Variants in ARHGAP11A observed in about 807,000 individuals in gnomAD.
The protein encoded by ARHGAP11A is rho GTPase-activating protein 11A.
Under a neutral mutation model 60.5 loss-of-function variants are expected in ARHGAP11A, and 36 were observed. The observed-to-expected ratio is 0.59, with a 90% CI of 0.46 to 0.79. The LOEUF is 0.79. Among genes scored for constraint, ARHGAP11A ranks in the 30% least tolerant of loss-of-function variants. The pLI is 0.00. For missense variants in ARHGAP11A, 1,071 were observed against 1,199.2 expected, an observed-to-expected ratio of 0.89 and a Z score of 1.58; for synonymous variants, 362 against 415.5, an observed-to-expected ratio of 0.87 and a Z score of 1.57.
Position 32,637,859 on chromosome 15 carries a change from T to C in ARHGAP11A, c.*14T>C. 15 of 1,551,110 alleles carry C rather than the reference T, an allele frequency of 9.7e-6. No individual in the cohort carries two copies. Among genetic ancestry groups the C allele is most frequent in the Non-Finnish European group, 1.3e-5 (15 of 1,149,444 alleles). ...GTAGATTTGTAATTGGTAAATGTTA[T>C]ACTTGTCATTAATGTAAATAAAGTG... is the stretch of plus-strand genomic sequence containing the variant. On this transcript the variant is annotated 3_prime_UTR_variant, in exon 12 of 12. Transcript: ENST00000361627.
chr15:32,634,118 C>G, intron 10 of ARHGAP11A, 77 bp downstream of exon 10: 1 of 921,590 alleles, frequency 1.1e-6, no homozygotes, highest in Non-Finnish European at 1.6e-6. Context: ...ACTCATAGCC[C>G]TACCTTCCTT....
chr15:32,635,286 T>C (rs2053678953), intron 10 of ARHGAP11A, among the ~76,000 whole-genome samples: 1 of 152,208 alleles, frequency 6.6e-6, no homozygotes, highest in Admixed American at 6.5e-5. Context: ...CTCATCACCC[T>C]ATTTTAAACT....
In ARHGAP11A at chr15:32,628,810, T is replaced by C; in HGVS notation, c.937+8T>C. On this transcript the variant is annotated splice_region_variant and intron_variant, in intron 7 of 11. Transcript: ENST00000361627. ...CTCAAGAAGAAAGAATTGGTAGGTA[T>C]TTATTATATGCATTTATTTAAATTA... 1.3e-6 allele frequency: 2 copies of C among 1,524,988 alleles called. No homozygotes were observed. The highest frequency in any genetic ancestry group is 1.8e-6 in the Non-Finnish European group (2 of 1,138,120). 94.5% of individuals were successfully genotyped at this position (1,524,988 alleles called of 1,614,324 possible).
In ARHGAP11A at chr15:32,637,023, G is replaced by T; in HGVS notation, c.2250G>T (p.Lys750Asn). ...NENMMEGNLP[K>N]CAAHSKDEAR... ...ATATGATGGAAGGTAACTTACCGAAGTGTGCAGCACATAGCAAGGACGAGG... is the reference window on the plus strand; with the variant it reads ...ATATGATGGAAGGTAACTTACCGAATTGTGCAGCACATAGCAAGGACGAGG... The change falls in exon 12 of 12, where the codon AAG (lysine) becomes AAT (asparagine). Residue 750 changes from lysine to asparagine, a missense_variant. Around this residue, in one of 4 missense-constraint regions of ARHGAP11A, gnomAD observed 776 missense variants for 760.2 expected, o/e 1.02. Transcript: ENST00000361627. 1 of 1,612,830 alleles carries T rather than the reference G, an allele frequency of 6.2e-7. No individual in the cohort carries two copies. The highest frequency in any genetic ancestry group is 8.5e-7 in the Non-Finnish European group (1 of 1,179,782).
Position 32,629,577 on chromosome 15 carries a change from G to GTT in ARHGAP11A, c.938-15_938-14dup, listed in dbSNP as rs771881611. 147 of 1,585,742 alleles carry GTT rather than the reference G, an allele frequency of 9.3e-5. No individual in the cohort carries two copies. The Admixed American group carries it at 1.6e-3, about 18-fold the overall frequency. ...TCTGCAGTAGAAACAAGTTGGTTTT[G>GTT]TTTTGATATTTTTTCAGCCCAGCTA... On this transcript the variant is annotated splice_polypyrimidine_tract_variant and intron_variant, in intron 7 of 11. Coordinates refer to ENST00000361627, the MANE Select transcript of ARHGAP11A (RefSeq NM_014783.6).
At chr15:32,616,762 G>A (rs2053162251) in intron 1 of ARHGAP11A, among the ~76,000 whole-genome samples, 1 of 152,186 alleles carries the variant, frequency 6.6e-6, no homozygotes, top group Non-Finnish European at 1.5e-5. Context: ...CGTTGGGAGG[G>A]ACAAAAACTC....
Position 32,636,874 on chromosome 15 carries a change from A to G in ARHGAP11A, c.2101A>G (p.Lys701Glu), listed in dbSNP as rs377731590. The G allele has an allele frequency of 2.5e-6, 4 of 1,612,872 alleles. No individual in the cohort carries two copies. The highest frequency in any genetic ancestry group is 2.7e-5 in the African/African-American group (2 of 74,846). Residue 701 changes from lysine to glutamate, a missense_variant, in exon 12 of 12, where the codon AAA becomes GAA. This residue lies in a region of ARHGAP11A where 776 missense variants were observed against 760.2 expected (regional missense o/e 1.02). Coordinates refer to ENST00000361627, the MANE Select transcript of ARHGAP11A (RefSeq NM_014783.6). The part of the protein sequence containing the change: ...YSTQMKMEHE[K>E]DIHSNMPKDY... ...AACTCAGATGAAGATGGAACATGAA[A>G]AAGACATTCATTCAAATATGCCAAA...
At chr15:32,618,875 C>T (rs1332239131) in intron 1 of ARHGAP11A, among the ~76,000 whole-genome samples, 2 of 151,334 alleles carry the variant, frequency 1.3e-5, no homozygotes, top group Non-Finnish European at 2.9e-5. Flanking sequence ...TGGGTGAACC[C>T]GGGAGGCGGA....
Position 32,635,723 on chromosome 15 carries a change from A to AT in ARHGAP11A, c.1345-50dup. ...CTACAAAAAATTATTCTGTCTTTAT[A>AT]TTTTGAATTAACTAGGCTTATTTCT... On this transcript the variant is annotated intron_variant, in intron 10 of 11. Transcript: ENST00000361627. 2.4e-6 allele frequency: 3 copies of AT among 1,255,136 alleles called. No individual in the cohort carries two copies. In the South Asian group the frequency reaches 5.9e-5, roughly 25 times the overall value. The allele number at this position is 1,255,136 out of a possible 1,614,324, so 77.7% of individuals were successfully genotyped here. A position where few individuals can be genotyped will look rare whatever the true frequency, so the allele number is the denominator to read the frequency against.
Position 32,616,051 on chromosome 15 carries a change from C to G in ARHGAP11A, c.-161C>G. 1 of 981,690 alleles carries G rather than the reference C, an allele frequency of 1.0e-6. No individual in the cohort carries two copies. The highest frequency in any genetic ancestry group is 1.5e-6 in the Non-Finnish European group (1 of 674,892). The allele number at this position is 981,690 out of a possible 1,614,324, so 60.8% of individuals were successfully genotyped here. A position where few individuals can be genotyped will look rare whatever the true frequency, so the allele number is the denominator to read the frequency against. Reference sequence around the variant, plus strand: ...GATGTGAGTGAGGATCAAGGAAAAGCCGTGGAAGTGGCCGGGGGTCGGGGC... The same window carrying G: ...GATGTGAGTGAGGATCAAGGAAAAGGCGTGGAAGTGGCCGGGGGTCGGGGC... On this transcript the variant is annotated 5_prime_UTR_variant, in exon 1 of 12. Coordinates refer to ENST00000361627, the MANE Select transcript of ARHGAP11A (RefSeq NM_014783.6).
Position 32,639,330 on chromosome 15 carries a change from A to G in ARHGAP11A, c.*1485A>G, listed in dbSNP as rs534417404. 4 of 152,308 alleles carry G rather than the reference A, an allele frequency of 2.6e-5. No homozygotes were observed. In the South Asian group the frequency reaches 6.2e-4, roughly 24 times the overall value. The allele number at this position is 152,308 out of a possible 1,614,324, so 9.4% of individuals were successfully genotyped here. On this transcript the variant is annotated 3_prime_UTR_variant, in exon 12 of 12. Coordinates refer to ENST00000361627, the MANE Select transcript of ARHGAP11A (RefSeq NM_014783.6). The stretch of plus-strand genomic sequence containing the variant: ...CACTCGGAGCAACCAGACTTACAGC[A>G]TAAGTATGTACGAGGAATTTCAAAT...
Position 32,637,300 on chromosome 15 carries a change from A to C in ARHGAP11A, c.2527A>C (p.Arg843=). The change falls in exon 12 of 12, where the codon AGA becomes CGA. Residue 843 remains arginine, a synonymous_variant. Coordinates refer to ENST00000361627, the MANE Select transcript of ARHGAP11A (RefSeq NM_014783.6). ...GCGTACTCCTGTTCGTCAGTCCGTC[A>C]GAAGAATTAATTCTTTGTTGGAGTA... ...FQRTPVRQSV[R]RINSLLEYSR... is the part of the protein sequence containing the mutation. 6.2e-7 allele frequency: 1 copy of C among 1,614,248 alleles called. No homozygotes were observed. Among genetic ancestry groups the C allele is most frequent in the South Asian group, 1.1e-5 (1 of 91,080 alleles).
At position 32,633,970 on chromosome 15, in the gene ARHGAP11A, A is replaced by G; in HGVS notation, c.1273A>G (p.Ile425Val). The change falls in exon 10 of 12, where the codon ATC becomes GTC. Residue 425 changes from isoleucine to valine, a missense_variant. Around this residue, in one of 4 missense-constraint regions of ARHGAP11A, gnomAD observed 776 missense variants for 760.2 expected, o/e 1.02. Coordinates refer to ENST00000361627, the MANE Select transcript of ARHGAP11A (RefSeq NM_014783.6). ...AAAAGCAGGCTGCTTTTCTCCTAAA[A>G]TCAGCCATAAAGAAAAGGTTCGAAG... ...SGKAGCFSPK[I>V]SHKEKVRRSL... 1 of 1,606,198 alleles carries G rather than the reference A, an allele frequency of 6.2e-7. No individual in the cohort carries two copies. Among genetic ancestry groups the G allele is most frequent in the East Asian group, 2.2e-5 (1 of 44,656 alleles).
upstream of ARHGAP11A, chr15:32,615,178 C>A (rs942542062): frequency 5.3e-5 from 8 of 152,132 alleles, no homozygotes; most frequent in Non-Finnish European, 8.8e-5. Flanking sequence ...CCTTCAGCGA[C>A]AGCCAAGCTC....
intron 2 of ARHGAP11A, among the ~76,000 whole-genome samples, chr15:32,622,927 T>A (rs1234072035): frequency 6.6e-6 from 1 of 151,844 alleles, no homozygotes; most frequent in African/African-American, 2.4e-5. Context: ...AGGTTTCACA[T>A]AAGAGGAGTG....
At position 32,635,851 on chromosome 15, in the gene ARHGAP11A, A is replaced by G. The variant is rs910324213; in HGVS notation, c.1419A>G (p.Arg473=). Reference sequence around the variant, plus strand: ...CAAATCAACAAAGTTTAAAAAATCGAATTGAATCTGTAAAAACAGGTTTGC... The same window carrying G: ...CAAATCAACAAAGTTTAAAAAATCGGATTGAATCTGTAAAAACAGGTTTGC... ...RLANQQSLKN[R]IESVKTGLLF... The change falls in exon 11 of 12, where the codon CGA becomes CGG. Residue 473 remains arginine (R), a synonymous_variant. Transcript: ENST00000361627. The G allele has an allele frequency of 3.7e-6, 6 of 1,611,372 alleles. No individual in the cohort carries two copies. The highest frequency in any genetic ancestry group is 5.1e-6 in the Non-Finnish European group (6 of 1,179,300).
chr15:32,622,699 T>C (rs1201103612), intron 2 of ARHGAP11A, among the ~76,000 whole-genome samples: 1 of 151,748 alleles, frequency 6.6e-6, no homozygotes, highest in Non-Finnish European at 1.5e-5. Flanking sequence ...TATTTGAACA[T>C]TGTTCAAAAT....
At chr15:32,629,528 G>A (rs2053541240) in intron 7 of ARHGAP11A, 67 bp from the exon 8 acceptor site, 2 of 1,340,634 alleles carry the variant, frequency 1.5e-6, no homozygotes, top group East Asian at 2.4e-5. Flanking sequence ...AAGAAATTAT[G>A]TAAAGCTTTT....
chr15:32,616,798 A>G (rs577424681), intron 1 of ARHGAP11A, among the ~76,000 whole-genome samples: 234 of 152,368 alleles, frequency 1.5e-3, no homozygotes, highest in African/African-American at 5.3e-3. Context: ...GTTTTAGAGT[A>G]AGGTTGTAGA....
Sources: gnomAD v4.1 joint callset for allele counts (sites outside exome capture counted in the v4.1 genomes callset) on GRCh38, gnomAD v4.1.1 for gene constraint, gnomAD v4.1.1 regional missense constraint, MANE v1.5 for transcripts, NCBI Gene and HGNC (gene_info 2026-07-23, HGNC 2026-07-21) for gene names.